The following WDR64 variants were observed in gnomAD, a reference collection of about 807,000 sequenced individuals.
WDR64 encodes the protein WD repeat-containing protein 64.
A neutral mutation model predicts 139.3 loss-of-function variants in WDR64; 112 were observed. That is an observed-to-expected ratio of 0.80 (90% CI 0.69 to 0.94). The LOEUF is 0.94. Ranked by LOEUF, WDR64 falls within the 40% of genes least tolerant of loss-of-function variation. The pLI is 0.00. For synonymous variants in WDR64, 444 were observed against 437.7 expected (o/e 1.01, Z -0.18); for missense variants, 1,206 against 1,293.1 (o/e 0.93, Z 1.03).
At chr1:241,672,384 C>T (rs892862749) in intron 3 of WDR64, among the ~76,000 whole-genome samples, 1 of 152,116 alleles carries the variant, frequency 6.6e-6, no homozygotes, top group African/African-American at 2.4e-5. Context: ...AGGAGGGGCC[C>T]CAGAGCAGGG....
intron 18 of WDR64, among the ~76,000 whole-genome samples, chr1:241,771,440 T>C (rs1251702461): frequency 6.6e-6 from 1 of 152,180 alleles, no homozygotes; most frequent in Non-Finnish European, 1.5e-5. Context: ...CTCGTTATTA[T>C]GCTGGTACCT....
chr1:241,674,095 T>A (rs913195455), intron 3 of WDR64, among the ~76,000 whole-genome samples: 1 of 152,064 alleles, frequency 6.6e-6, no homozygotes, highest in African/African-American at 2.4e-5. Context: ...TCTCTGGGAA[T>A]TAATGTACCA....
At chr1:241,774,120 T>A (rs189734277) in intron 20 of WDR64, among the ~76,000 whole-genome samples, 312 of 152,106 alleles carry the variant, frequency 2.1e-3, no homozygotes, top group African/African-American at 7.1e-3. Flanking sequence ...GTGAAGAAAA[T>A]GAAATCCTTA....
chr1:241,748,361 C>G lies in WDR64; in HGVS notation c.1595-1186C>G, dbSNP rs185773214. Among the ~76,000 whole-genome samples, 99 of 152,284 alleles carry G rather than the reference C, an allele frequency of 6.5e-4. 1 individual carries two copies. Among genetic ancestry groups the G allele is most frequent in the Non-Finnish European group, 1.3e-3 (88 of 68,026 alleles). Reference sequence around the variant, plus strand: ...TTCCGGAGGCTGGGAAGTTCGAGATCAAGGCGCTGGCAGATCTGGTGTCTG... The same window carrying G: ...TTCCGGAGGCTGGGAAGTTCGAGATGAAGGCGCTGGCAGATCTGGTGTCTG... On this transcript the variant is annotated intron_variant, in intron 13 of 27. Coordinates refer to ENST00000437684, the MANE Select transcript of WDR64 (RefSeq NM_001367482.1).
chr1:241,771,939 TAC>T (rs199704884), intron 19 of WDR64, among the ~76,000 whole-genome samples: 25,197 of 63,262 alleles, frequency 0.4, 3,574 homozygotes, highest in Non-Finnish European at 0.43. Flanking sequence ...TATACATACA[TAC>T]ATACATATAT....
chr1:241,655,178 T>A (rs537439610), intron 1 of WDR64, among the ~76,000 whole-genome samples: 16 of 151,660 alleles, frequency 1.1e-4, no homozygotes, highest in Non-Finnish European at 1.5e-4. Flanking sequence ...AAGTCAGGAG[T>A]TCAAGACCAG....
chr1:241,740,373 T>C (rs1207745862), intron 11 of WDR64, among the ~76,000 whole-genome samples: 1 of 152,252 alleles, frequency 6.6e-6, no homozygotes, highest in Non-Finnish European at 1.5e-5. Context: ...CTGGTTACCA[T>C]ATTCTGCTCA....
rs376739062 is a variant in WDR64 at position 241,775,578 on chromosome 1, G to GA, written c.2536+376dup. ...AAAGGAAATCATGCCATAAATTAGA[G>GA]AAAAAAAATGAATGATTTTTTCTCA... On this transcript the variant is annotated intron_variant, in intron 21 of 27. Transcript: ENST00000437684. Among the ~76,000 whole-genome samples the GA allele has an allele frequency of 4.6e-5, 7 of 151,734 alleles. 1 individual carries two copies. The highest frequency in any genetic ancestry group is 2.0e-4 in the Admixed American group (3 of 15,234).
At chr1:241,783,165 C>T in intron 22 of WDR64, 107 bp from the exon 23 acceptor site, 1 of 926,326 alleles carries the variant, frequency 1.1e-6, no homozygotes, top group Non-Finnish European at 1.7e-6. Context: ...CAGATGTCTA[C>T]ATCTTCCACT....
At chr1:241,773,655 A>G (rs1658544689) in intron 20 of WDR64, among the ~76,000 whole-genome samples, 1 of 152,016 alleles carries the variant, frequency 6.6e-6, no homozygotes, top group Non-Finnish European at 1.5e-5. Context: ...TTTAGTAGAG[A>G]CGGGGTTTCA....
At chr1:241,704,763 G>A (rs1244423394) in intron 8 of WDR64, among the ~76,000 whole-genome samples, 1 of 152,142 alleles carries the variant, frequency 6.6e-6, no homozygotes, top group Non-Finnish European at 1.5e-5. Flanking sequence ...TCAGTTAATA[G>A]GGTATTAAAT....
intron 18 of WDR64, 103 bp downstream of exon 18, chr1:241,770,793 C>A: frequency 1.9e-6 from 2 of 1,033,400 alleles, no homozygotes; most frequent in Non-Finnish European, 2.7e-6. Flanking sequence ...TAGAAGGTAA[C>A]AGTGGAAGAA....
At chr1:241,749,807 C>A in intron 14 of WDR64, 85 bp downstream of exon 14, 3 of 1,426,536 alleles carry the variant, frequency 2.1e-6, no homozygotes, top group Non-Finnish European at 2.9e-6. Context: ...CACCATGTAA[C>A]CCCGCTCTTG....
chr1:241,687,284 C>T (rs1001620391), intron 7 of WDR64, among the ~76,000 whole-genome samples, 177 bp from the exon 8 acceptor site: 9 of 136,658 alleles, frequency 6.6e-5, no homozygotes, highest in South Asian at 4.6e-4. Context: ...CCAGCCTAGG[C>T]GAGAGAGCAA....
intron 9 of WDR64, among the ~76,000 whole-genome samples, chr1:241,719,517 A>C (rs1052592085): frequency 1.4e-4 from 21 of 152,160 alleles, no homozygotes; most frequent in African/African-American, 4.8e-4. Context: ...TACTCGAAGA[A>C]GAGAAAAAAG....
Position 241,780,023 on chromosome 1 carries a change from C to T in WDR64, c.2556C>T (p.Cys852=), listed in dbSNP as rs776434074. 1.9e-6 allele frequency: 3 copies of T among 1,587,120 alleles called. No individual in the cohort carries two copies. The highest frequency in any genetic ancestry group is 1.9e-5 in the Admixed American group (1 of 51,370). ...AGNVEGHVIL[C]NISSFLDPPH... ...ATACAGAAGGACATGTTATCCTTTG[C>T]AATATTAGCTCTTTCCTGGATCCAC... The change falls in exon 22 of 28, where the codon TGC becomes TGT. Residue 852 remains cysteine (C), a synonymous_variant. Coordinates refer to ENST00000437684, the MANE Select transcript of WDR64 (RefSeq NM_001367482.1).
intron 15 of WDR64, among the ~76,000 whole-genome samples, chr1:241,765,064 G>A (rs987018391): frequency 6.6e-6 from 1 of 151,640 alleles, no homozygotes; most frequent in Non-Finnish European, 1.5e-5. Flanking sequence ...GCACCCACCT[G>A]TGGTCCCAGC....
intron 24 of WDR64, 86 bp downstream of exon 24, chr1:241,788,120 A>C: frequency 8.1e-7 from 1 of 1,241,962 alleles, no homozygotes; most frequent in South Asian, 1.7e-5. Flanking sequence ...TGGAGAATTC[A>C]AGGCAAGAGG....
At chr1:241,784,779 C>A (rs1189374709) in intron 23 of WDR64, among the ~76,000 whole-genome samples, 1 of 151,526 alleles carries the variant, frequency 6.6e-6, no homozygotes. Context: ...CATGGTGAAA[C>A]CCTGTCTCTA....
Sources: allele counts gnomAD v4.1 joint callset (sites outside exome capture counted in the v4.1 genomes callset), GRCh38; gene constraint gnomAD v4.1.1; transcripts MANE v1.5; gene names NCBI Gene and HGNC (gene_info 2026-07-23, HGNC 2026-07-21).